Variants in LPGAT1 observed in about 807,000 individuals in gnomAD.
LPGAT1 encodes the protein acyl-CoA:lysophosphatidylglycerol acyltransferase 1.
In LPGAT1, 11 loss-of-function variants were observed where a neutral mutation model predicts 47.5. The observed-to-expected ratio is 0.23, with a 90% CI of 0.15 to 0.38. The LOEUF is 0.38. LPGAT1 is among the 10% of genes least tolerant of loss of function. The pLI is 1.00. For missense variants in LPGAT1, 293 were observed against 439.0 expected, an observed-to-expected ratio of 0.67 and a Z score of 2.97; for synonymous variants, 138 against 144.2, an observed-to-expected ratio of 0.96 and a Z score of 0.31.
chr1:211,795,096 A>G (rs925178078), intron 2 of LPGAT1, among the ~76,000 whole-genome samples: 1 of 152,228 alleles, frequency 6.6e-6, no homozygotes, highest in East Asian at 1.9e-4. Flanking sequence ...ACAAGATGGA[A>G]AAGTTTTAGA....
chr1:211,780,195 A>T (rs191509368), intron 5 of LPGAT1, among the ~76,000 whole-genome samples: 368 of 152,334 alleles, frequency 2.4e-3, no homozygotes, highest in African/African-American at 8.4e-3. Flanking sequence ...TAAAATACAT[A>T]AAAAATAATT....
At chr1:211,784,355 G>A (rs891312399) in intron 4 of LPGAT1, among the ~76,000 whole-genome samples, 1 of 151,986 alleles carries the variant, frequency 6.6e-6, no homozygotes, top group Non-Finnish European at 1.5e-5. Flanking sequence ...AGCTGGGTGC[G>A]ATGGCACATT....
chr1:211,750,087 G>A (rs1446189999), intron 7 of LPGAT1, 37 bp from the exon 8 acceptor site: 2 of 1,569,140 alleles, frequency 1.3e-6, no homozygotes, highest in Non-Finnish European at 8.7e-7. Flanking sequence ...TTGTTTTACT[G>A]TAATGGTAGG....
chr1:211,773,278 C>A (rs2102521490), intron 6 of LPGAT1, among the ~76,000 whole-genome samples: 2 of 152,182 alleles, frequency 1.3e-5, no homozygotes, highest in African/African-American at 2.4e-5. Context: ...TATATCATTT[C>A]TTTTATCAAT....
chr1:211,808,369 T>C (rs1571754618), intron 2 of LPGAT1, among the ~76,000 whole-genome samples: 1 of 139,928 alleles, frequency 7.1e-6, no homozygotes, highest in South Asian at 2.3e-4. Context: ...AAAAAAAACC[T>C]CTCAAAACTC....
intron 6 of LPGAT1, among the ~76,000 whole-genome samples, chr1:211,766,106 A>AGTT (rs1177498240): frequency 6.6e-5 from 10 of 152,128 alleles, no homozygotes; most frequent in Admixed American, 6.5e-4. Context: ...GGACTTACAC[A>AGTT]GTTAGTACCC....
chr1:211,783,447 T>G lies in LPGAT1; in HGVS notation c.509A>C (p.Asn170Thr). 1 of 1,614,142 alleles carries G rather than the reference T, an allele frequency of 6.2e-7. No homozygotes were observed. Among genetic ancestry groups the G allele is most frequent in the Non-Finnish European group, 8.5e-7 (1 of 1,180,024 alleles). Residue 170 changes from asparagine to threonine, a missense_variant, in exon 5 of 8, where the codon AAT becomes ACT. Transcript: ENST00000366997. The part of the protein sequence containing the change: ...LLLLKKHLEN[N>T]YRSRDRKWIV... ...CCATTTTCGATCTCTGCTCCTGTAA[T>G]TATTTTCTAAGTGCTTCTTGAGAAG...
intron 6 of LPGAT1, among the ~76,000 whole-genome samples, chr1:211,770,772 C>T (rs931338901): frequency 6.6e-6 from 1 of 152,154 alleles, no homozygotes; most frequent in Non-Finnish European, 1.5e-5. Context: ...GTCCTACTAG[C>T]TCCATATATA....
Position 211,749,728 on chromosome 1 carries a change from C to T in LPGAT1, c.*171G>A. 1.5e-6 allele frequency: 1 copy of T among 659,778 alleles called. No homozygotes were observed. The allele number at this position is 659,778 out of a possible 1,614,324, so 40.9% of individuals were successfully genotyped here. A position where few individuals can be genotyped will look rare whatever the true frequency, so the allele number is the denominator to read the frequency against. The stretch of plus-strand genomic sequence containing the variant: ...ATTAGCAGGTCATTATATTACTAAT[C>T]CTCATTTTAGTAGATTTTAAAATAT... On this transcript the variant is annotated 3_prime_UTR_variant, in exon 8 of 8. Transcript: ENST00000366997.
chr1:211,824,895 G>A (rs1660493451), intron 2 of LPGAT1, among the ~76,000 whole-genome samples: 1 of 152,054 alleles, frequency 6.6e-6, no homozygotes, highest in African/African-American at 2.4e-5. Flanking sequence ...CCGAAAAGCA[G>A]GACACTATCA....
chr1:211,804,575 A>C (rs1246917351), intron 2 of LPGAT1, among the ~76,000 whole-genome samples: 4 of 152,200 alleles, frequency 2.6e-5, no homozygotes, highest in Admixed American at 2.0e-4. Flanking sequence ...TTAAATCAAA[A>C]ATGAATGATT....
chr1:211,800,440 A>G (rs1009851707), intron 2 of LPGAT1, among the ~76,000 whole-genome samples: 2 of 152,224 alleles, frequency 1.3e-5, no homozygotes, highest in African/African-American at 4.8e-5. Context: ...AAATCTTTAG[A>G]ATTCCAATTT....
intron 2 of LPGAT1, among the ~76,000 whole-genome samples, chr1:211,807,855 A>AGT (rs1659818016): frequency 6.6e-6 from 1 of 152,142 alleles, no homozygotes; most frequent in Non-Finnish European, 1.5e-5. Flanking sequence ...ATGACATGAA[A>AGT]AACACAAGCC....
At chr1:211,779,121 C>T (rs1177155588) in intron 5 of LPGAT1, 77 bp from the exon 6 acceptor site, 26 of 1,258,700 alleles carry the variant, frequency 2.1e-5, no homozygotes, top group Non-Finnish European at 2.8e-5. Flanking sequence ...GATTACTTGA[C>T]CAGTGTAAGA....
rs887324943 is a variant in LPGAT1, at chr1:211,783,093, A to T, written c.727+136T>A. On this transcript the variant is annotated intron_variant, in intron 5 of 7. Coordinates refer to ENST00000366997, the MANE Select transcript of LPGAT1 (RefSeq NM_014873.3). Reference sequence around the variant, plus strand: ...TACTTTTGTAAATGGAAACTTTTTTAAAAAATTACAGTTTCATCTTCTCCC... The same window carrying T: ...TACTTTTGTAAATGGAAACTTTTTTTAAAAATTACAGTTTCATCTTCTCCC... The T allele has an allele frequency of 4.4e-5, 35 of 803,334 alleles. 1 individual carries two copies. Among genetic ancestry groups the T allele is most frequent in the African/African-American group, 2.3e-4 (13 of 57,038 alleles). The allele number at this position is 803,334 out of a possible 1,614,324, so 49.8% of individuals were successfully genotyped here.
intron 2 of LPGAT1, among the ~76,000 whole-genome samples, chr1:211,810,222 T>A (rs1382600588): frequency 6.6e-6 from 1 of 152,220 alleles, no homozygotes; most frequent in Admixed American, 6.5e-5. Context: ...TTCATTCAAC[T>A]GGTTTTATTT....
intron 4 of LPGAT1, among the ~76,000 whole-genome samples, chr1:211,784,948 C>T (rs185070322): frequency 3.1e-4 from 47 of 151,792 alleles, no homozygotes; most frequent in East Asian, 7.7e-4. Flanking sequence ...GGACTACAGG[C>T]GCCTGCCACC....
At chr1:211,825,188 C>CTTTTTTTTTT (rs953536979) in intron 2 of LPGAT1, among the ~76,000 whole-genome samples, 1 of 70,860 alleles carries the variant, frequency 1.4e-5, no homozygotes, top group Non-Finnish European at 2.5e-5. Context: ...GCACAGTCTT[C>CTTTTTTTTTT]TTTTTTTTTT....
chr1:211,811,756 T>G (rs960482297), intron 2 of LPGAT1, among the ~76,000 whole-genome samples: 51 of 151,400 alleles, frequency 3.4e-4, no homozygotes, highest in African/African-American at 1.1e-3. Context: ...AGAGTGAGAC[T>G]CTGCCATCCC....
Sources: gnomAD v4.1 joint callset for allele counts (sites outside exome capture counted in the v4.1 genomes callset) on GRCh38, gnomAD v4.1.1 for gene constraint, MANE v1.5 for transcripts, NCBI Gene and HGNC (gene_info 2026-07-23, HGNC 2026-07-21) for gene names.